The following ZNF324 variants were observed in gnomAD, a reference collection of about 807,000 sequenced individuals.
ZNF324 encodes the protein zinc finger protein 324A.
Under a neutral mutation model 10.3 loss-of-function variants are expected in ZNF324, and 3 were observed. The ratio of observed to expected loss-of-function variants is 0.29; its 90% CI spans 0.13 to 0.75. ZNF324 has a LOEUF of 0.75. ZNF324 is among the 30% of genes least tolerant of loss of function. The pLI, the probability that ZNF324 is intolerant of heterozygous loss-of-function variation, is 0.69. For synonymous variants in ZNF324, 430 were observed against 339.5 expected (o/e 1.27, Z -2.93); for missense variants, 763 against 784.4 (o/e 0.97, Z 0.33).
At chr19:58,468,010 AC>A (rs1339296442) in intron 1 of ZNF324, among the ~76,000 whole-genome samples, 3 of 151,866 alleles carry the variant, frequency 2.0e-5, no homozygotes, top group African/African-American at 7.3e-5. Flanking sequence ...GAGGTGGGCG[AC>A]CAGGTGAATT....
chr19:58,469,392 G>A (rs73578717), intron 2 of ZNF324, 86 bp downstream of exon 2: 15 of 1,547,006 alleles, frequency 9.7e-6, no homozygotes, highest in African/African-American at 2.7e-5. Flanking sequence ...GGTGGCTGAC[G>A]AGCAGGCCTA....
chr19:58,472,064 C>T lies in ZNF324; in HGVS notation c.1572C>T (p.Ala524=), dbSNP rs545395456. The T allele has an allele frequency of 1.4e-5, 22 of 1,604,324 alleles. No homozygotes were observed. The highest frequency in any genetic ancestry group is 1.7e-4 in the Middle Eastern group (1 of 6,054). The stretch of plus-strand genomic sequence containing the variant: ...TGCACCCCCAGGCCAGGTCTGTTGC[C>T]GGGGCATCATCAGAAGGTGCGCCAG... ...ASLHPQARSV[A]GASSEGAPAK... is the part of the protein sequence containing the mutation. Residue 524 remains alanine, a synonymous_variant, in exon 4 of 4, where the codon GCC becomes GCT. Coordinates refer to ENST00000196482, the MANE Select transcript of ZNF324 (RefSeq NM_014347.3).
chr19:58,471,416 C>T lies in ZNF324; in HGVS notation c.924C>T (p.Ser308=), dbSNP rs750522890. 1.2e-5 allele frequency: 19 copies of T among 1,608,288 alleles called. No individual in the cohort carries two copies. The East Asian group carries it at 2.9e-4, about 25-fold the overall frequency. The part of the protein sequence containing the change: ...SHLTQHQRIH[S]GETPYACPVC... ...TGACGCAGCACCAGCGCATCCACAG[C>T]GGCGAGACGCCCTACGCGTGCCCCG... is the stretch of plus-strand genomic sequence containing the variant. Residue 308 remains serine (S), a synonymous_variant, in exon 4 of 4, where the codon AGC becomes AGT. Coordinates refer to ENST00000196482, the MANE Select transcript of ZNF324 (RefSeq NM_014347.3).
At position 58,472,381 on chromosome 19, in the gene ZNF324, A is replaced by C; in HGVS notation, c.*227A>C. On this transcript the variant is annotated 3_prime_UTR_variant, in exon 4 of 4. Transcript: ENST00000196482. ...GCACTGCAGCAACATCAGGGGGAGGACGTGGTGGCTGAACTCTAGTGGGGC... is the reference window on the plus strand; with the variant it reads ...GCACTGCAGCAACATCAGGGGGAGGCCGTGGTGGCTGAACTCTAGTGGGGC... 1.8e-6 allele frequency: 1 copy of C among 563,404 alleles called. No individual in the cohort carries two copies. The highest frequency in any genetic ancestry group is 2.8e-5 in the East Asian group (1 of 35,140). 34.9% of individuals were successfully genotyped at this position (563,404 alleles called of 1,614,324 possible).
In ZNF324 at chr19:58,470,962, G is replaced by C. The variant is rs1433841458; in HGVS notation, c.470G>C (p.Ser157Thr). ...LLLGSGSGQASVSLRLTSPLR... is the reference protein window; with the variant it reads ...LLLGSGSGQATVSLRLTSPLR... ...CTAGGCTCAGGCAGTGGGCAAGCCA[G>C]CGTCAGCCTGCGACTGACCTCCCCG... Residue 157 changes from serine to threonine, a missense_variant, in exon 4 of 4, where the codon AGC becomes ACC. Coordinates refer to ENST00000196482, the MANE Select transcript of ZNF324 (RefSeq NM_014347.3). 6.2e-7 allele frequency: 1 copy of C among 1,614,246 alleles called. No individual in the cohort carries two copies. Among genetic ancestry groups the C allele is most frequent in the Non-Finnish European group, 8.5e-7 (1 of 1,180,048 alleles).
intron 1 of ZNF324, chr19:58,468,300 G>A (rs964762824): frequency 1.0e-6 from 1 of 960,058 alleles, no homozygotes; most frequent in Non-Finnish European, 1.2e-6. Flanking sequence ...GTTATGGCTT[G>A]AGGGTAAAGA....
rs1190255799 is a variant in ZNF324 at position 58,473,881 on chromosome 19, TC to T, written c.*1729del. 1 of 152,276 alleles carries T rather than the reference TC, an allele frequency of 6.6e-6. No homozygotes were observed. The highest frequency in any genetic ancestry group is 2.4e-5 in the African/African-American group (1 of 41,410). The allele number at this position is 152,276 out of a possible 1,614,324, so 9.4% of individuals were successfully genotyped here. The stretch of plus-strand genomic sequence containing the variant: ...GCCCTGCTAGATGAGTCCTGGTGGA[TC>T]CTGGCAATGGGAGGATGGTAGGTGG... On this transcript the variant is annotated 3_prime_UTR_variant, in exon 4 of 4. Transcript: ENST00000196482.
intron 2 of ZNF324, 32 bp downstream of exon 2, chr19:58,469,338 A>G: frequency 6.2e-7 from 1 of 1,608,732 alleles, no homozygotes; most frequent in Non-Finnish European, 8.5e-7. Flanking sequence ...GAAATGGGCA[A>G]CTGATAACAA....
In ZNF324 at chr19:58,472,006, G is replaced by C. The variant is rs1415652463; in HGVS notation, c.1514G>C (p.Gly505Ala). ...TTCCACCACCAGAGGATCCATACCG[G>C]CGAGAAGACCGTCCGGCGATCCAGG... ...ALFHHQRIHT[G>A]EKTVRRSRAS... is the part of the protein sequence containing the mutation. Residue 505 changes from glycine (G) to alanine (A), a missense_variant, in exon 4 of 4, where the codon GGC becomes GCC. By Grantham distance (60) the Gly-to-Ala change is moderately conservative. This residue lies in a region of ZNF324 where 231 missense variants were observed against 196.0 expected (regional missense o/e 1.18). Coordinates refer to ENST00000196482, the MANE Select transcript of ZNF324 (RefSeq NM_014347.3). 3.7e-6 allele frequency: 6 copies of C among 1,608,096 alleles called. No individual in the cohort carries two copies. In the South Asian group the frequency reaches 5.5e-5, roughly 15 times the overall value.
rs2053066798 is a variant in ZNF324, at chr19:58,474,774, A to G, written c.*2620A>G. ...GGGGAGTATTTAAAACACATAACCC[A>G]CAAGTATGAGGATGGTGACAGAGGA... On this transcript the variant is annotated 3_prime_UTR_variant, in exon 4 of 4. Transcript: ENST00000196482. 1 of 152,212 alleles carries G rather than the reference A, an allele frequency of 6.6e-6. No homozygotes were observed. Among genetic ancestry groups the G allele is most frequent in the Non-Finnish European group, 1.5e-5 (1 of 68,032 alleles). The allele number at this position is 152,212 out of a possible 1,614,324, so 9.4% of individuals were successfully genotyped here. A position where few individuals can be genotyped will look rare whatever the true frequency, so the allele number is the denominator to read the frequency against.
In ZNF324 at chr19:58,471,143, C is replaced by A; in HGVS notation, c.651C>A (p.Gly217=). ...FGSAQDLEAA[G]GRGHHRMGAV... ...GCGCCCAGGACCTGGAGGCTGCCGG[C>A]GGTCGGGGACATCACCGAATGGGTG... Residue 217 remains glycine, a synonymous_variant, in exon 4 of 4, where the codon GGC becomes GGA. Coordinates refer to ENST00000196482, the MANE Select transcript of ZNF324 (RefSeq NM_014347.3). The A allele has an allele frequency of 6.2e-7, 1 of 1,613,722 alleles. No homozygotes were observed. Among genetic ancestry groups the A allele is most frequent in the Non-Finnish European group, 8.5e-7 (1 of 1,180,028 alleles).
chr19:58,472,499 G>T lies in ZNF324; in HGVS notation c.*345G>T. On this transcript the variant is annotated 3_prime_UTR_variant, in exon 4 of 4. Coordinates refer to ENST00000196482, the MANE Select transcript of ZNF324 (RefSeq NM_014347.3). The stretch of plus-strand genomic sequence containing the variant: ...TATGACAGTGGATGCTAAGGTGAGA[G>T]GGATGCAGGCATGGGTTGGGGGTGG... The T allele has an allele frequency of 3.7e-6, 1 of 273,932 alleles. No homozygotes were observed. Among genetic ancestry groups the T allele is most frequent in the Non-Finnish European group, 6.9e-6 (1 of 144,812 alleles). The allele number at this position is 273,932 out of a possible 1,614,324, so 17.0% of individuals were successfully genotyped here. A position where few individuals can be genotyped will look rare whatever the true frequency, so the allele number is the denominator to read the frequency against.
At chr19:58,469,919 C>T in intron 3 of ZNF324, 75 bp downstream of exon 3, 1 of 1,139,148 alleles carries the variant, frequency 8.8e-7, no homozygotes, top group Non-Finnish European at 1.3e-6. Context: ...TCCCAGACTC[C>T]CCAGAAGCAC....
Position 58,471,853 on chromosome 19 carries a change from G to A in ZNF324, c.1361G>A (p.Arg454His), listed in dbSNP as rs553418741. ...QLLHTGERPF[R>H]CVDCGKAFAK... ...CTGCACACGGGCGAGCGGCCCTTCC[G>A]CTGCGTGGACTGTGGCAAGGCCTTC... The change falls in exon 4 of 4, where the codon CGC becomes CAC. Residue 454 changes from arginine (R) to histidine (H), a missense_variant. By Grantham distance (29) the Arg-to-His change is conservative. Transcript: ENST00000196482. 10 of 1,612,330 alleles carry A rather than the reference G, an allele frequency of 6.2e-6. No individual in the cohort carries two copies. Among genetic ancestry groups the A allele is most frequent in the East Asian group, 2.2e-5 (1 of 44,884 alleles).
chr19:58,470,384 G>C (rs1219343392), intron 3 of ZNF324: 1 of 415,972 alleles, frequency 2.4e-6, no homozygotes, highest in Non-Finnish European at 4.5e-6. Context: ...CTGAGAAGGG[G>C]GACAGGGGCG....
intron 3 of ZNF324, among the ~76,000 whole-genome samples, chr19:58,470,346 T>C (rs1477375144): frequency 4.7e-5 from 7 of 149,870 alleles, no homozygotes; most frequent in Non-Finnish European, 7.4e-5. Flanking sequence ...ATGGAGGTCA[T>C]TGCAGGAGCA....
rs2122405794 is a variant in ZNF324, at chr19:58,469,218, C to T, written c.33C>T (p.Ser11=). MAFEDVAVYF[S]QEEWGLLDTA... is the part of the protein sequence containing the mutation. ...TTGAGGATGTGGCTGTGTACTTCTC[C>T]CAGGAGGAGTGGGGGCTCCTGGACA... Residue 11 remains serine (S), a synonymous_variant, in exon 2 of 4, where the codon TCC becomes TCT. Coordinates refer to ENST00000196482, the MANE Select transcript of ZNF324 (RefSeq NM_014347.3). 3.1e-6 allele frequency: 5 copies of T among 1,614,192 alleles called. No homozygotes were observed. Among genetic ancestry groups the T allele is most frequent in the Non-Finnish European group, 4.2e-6 (5 of 1,180,026 alleles).
In ZNF324 at chr19:58,469,816, C is replaced by T. The variant is rs1477209853; in HGVS notation, c.210C>T (p.Ser70=). 12 of 1,601,324 alleles carry T rather than the reference C, an allele frequency of 7.5e-6. No homozygotes were observed. Among genetic ancestry groups the T allele is most frequent in the Non-Finnish European group, 8.5e-6 (10 of 1,174,086 alleles). The change falls in exon 3 of 4, where the codon TCC becomes TCT. Residue 70 remains serine (S), a synonymous_variant. Transcript: ENST00000196482. ...WVPSGTDTTL[S]RTTYRRRNPG... Reference sequence around the variant, plus strand: ...CCAGTGGAACGGACACAACCCTGTCCAGGACCACCTACAGGAGGCGCAACC... The same window carrying T: ...CCAGTGGAACGGACACAACCCTGTCTAGGACCACCTACAGGAGGCGCAACC...
chr19:58,469,272 G>C lies in ZNF324; in HGVS notation c.87G>C (p.Val29=). Residue 29 remains valine (V), a synonymous_variant, in exon 2 of 4, where the codon GTG becomes GTC. Coordinates refer to ENST00000196482, the MANE Select transcript of ZNF324 (RefSeq NM_014347.3). ...CCCAGAGGGCCCTGTACCGCCGCGTGATGCTAGACAACTTCGCACTTGTGG... is the reference window on the plus strand; with the variant it reads ...CCCAGAGGGCCCTGTACCGCCGCGTCATGCTAGACAACTTCGCACTTGTGG... ...DTAQRALYRR[V]MLDNFALVAS... is the part of the protein sequence containing the mutation. The C allele has an allele frequency of 6.2e-7, 1 of 1,614,210 alleles. No individual in the cohort carries two copies. The highest frequency in any genetic ancestry group is 8.5e-7 in the Non-Finnish European group (1 of 1,180,026).
Sources: allele counts gnomAD v4.1 joint callset (sites outside exome capture counted in the v4.1 genomes callset), GRCh38; gene constraint gnomAD v4.1.1; regional missense constraint gnomAD v4.1.1; transcripts MANE v1.5; gene names NCBI Gene and HGNC (gene_info 2026-07-23, HGNC 2026-07-21).